Variants in CNTNAP2 observed in about 807,000 individuals in gnomAD.
CNTNAP2 encodes contactin-associated protein-like 2.
In CNTNAP2, 98 loss-of-function variants were observed where a neutral mutation model predicts 155.2. The ratio of observed to expected loss-of-function variants is 0.63; its 90% CI spans 0.54 to 0.75. CNTNAP2 has a LOEUF of 0.75. Ranked by LOEUF, CNTNAP2 falls within the 30% of genes least tolerant of loss-of-function variation. The pLI is 0.00. For synonymous variants in CNTNAP2, 651 were observed against 631.2 expected (o/e 1.03, Z -0.47); for missense variants, 1,727 against 1,688.1 (o/e 1.02, Z -0.40).
chr7:147,647,638 G>T (rs939424474), intron 13 of CNTNAP2, among the ~76,000 whole-genome samples: 1 of 152,022 alleles, frequency 6.6e-6, no homozygotes, highest in Admixed American at 6.6e-5. Context: ...CAAGGTCTTT[G>T]AGGACAGGGG....
chr7:147,971,511 G>A (rs1034677212), intron 14 of CNTNAP2, among the ~76,000 whole-genome samples: 1 of 152,068 alleles, frequency 6.6e-6, no homozygotes, highest in Non-Finnish European at 1.5e-5. Context: ...TTCTGTCCTG[G>A]TAGATTTCCT....
At chr7:148,087,308 C>A (rs772389184) in intron 15 of CNTNAP2, among the ~76,000 whole-genome samples, 1 of 151,982 alleles carries the variant, frequency 6.6e-6, no homozygotes, top group East Asian at 1.9e-4. Context: ...CCCACTATAG[C>A]GACTATATAG....
At chr7:147,502,482 A>G (rs2373100) in intron 11 of CNTNAP2, among the ~76,000 whole-genome samples, 1 of 151,930 alleles carries the variant, frequency 6.6e-6, no homozygotes, top group African/African-American at 2.4e-5. Flanking sequence ...ATAATAGTAA[A>G]TGCAGAAGCT....
chr7:147,263,399 A>T, intron 8 of CNTNAP2, among the ~76,000 whole-genome samples: 1 of 151,850 alleles, frequency 6.6e-6, no homozygotes, highest in East Asian at 1.9e-4. Context: ...GTCACTTCTG[A>T]CTATAGGGAT....
intron 3 of CNTNAP2, among the ~76,000 whole-genome samples, chr7:147,014,256 C>T (rs546622211): frequency 1.7e-4 from 23 of 132,654 alleles, no homozygotes; most frequent in Middle Eastern, 3.6e-3. Context: ...AACCCTGTAT[C>T]GTTTGAATTT....
chr7:146,164,302 A>T (rs1458750078), intron 1 of CNTNAP2, among the ~76,000 whole-genome samples: 1 of 152,212 alleles, frequency 6.6e-6, no homozygotes, highest in Admixed American at 6.5e-5. Flanking sequence ...TTTTCTGCTC[A>T]TGTATCACTC....
chr7:146,156,693 C>T (rs1798131432), intron 1 of CNTNAP2, among the ~76,000 whole-genome samples: 1 of 152,134 alleles, frequency 6.6e-6, no homozygotes. Flanking sequence ...ACCTCTGCCT[C>T]CAGGGTTCAA....
intron 1 of CNTNAP2, among the ~76,000 whole-genome samples, chr7:146,130,592 A>G (rs1350617614): frequency 6.6e-6 from 1 of 152,246 alleles, no homozygotes; most frequent in Non-Finnish European, 1.5e-5. Context: ...TATGTATGTT[A>G]TTGAAACAGC....
At chr7:146,727,032 T>C (rs1036476776) in intron 1 of CNTNAP2, among the ~76,000 whole-genome samples, 3 of 152,192 alleles carry the variant, frequency 2.0e-5, no homozygotes, top group South Asian at 2.1e-4. Context: ...TTTGCTTTTT[T>C]TTCTGCTGAA....
chr7:146,293,650 A>C (rs1422744404), intron 1 of CNTNAP2, among the ~76,000 whole-genome samples: 1 of 152,158 alleles, frequency 6.6e-6, no homozygotes, highest in East Asian at 1.9e-4. Flanking sequence ...AACTTTGTCA[A>C]ACAGAGGTAT....
intron 1 of CNTNAP2, among the ~76,000 whole-genome samples, chr7:146,214,571 G>A (rs924324310): frequency 3.3e-5 from 5 of 152,040 alleles, no homozygotes; most frequent in Non-Finnish European, 5.9e-5. Context: ...TATTCAAATT[G>A]TGAAATAAAA....
At chr7:147,146,379 G>A (rs1486355991) in intron 8 of CNTNAP2, 1 of 152,650 alleles carries the variant, frequency 6.6e-6, no homozygotes, top group Non-Finnish European at 1.5e-5. Flanking sequence ...GGAGGCCATG[G>A]TCCTGACCCA....
At chr7:146,675,729 A>G (rs920551745) in intron 1 of CNTNAP2, among the ~76,000 whole-genome samples, 1 of 152,246 alleles carries the variant, frequency 6.6e-6, no homozygotes, top group African/African-American at 2.4e-5. Flanking sequence ...ACACACTTTC[A>G]CTAGTCATTT....
At chr7:148,170,837 T>C (rs151162263) in intron 17 of CNTNAP2, among the ~76,000 whole-genome samples, 6 of 152,310 alleles carry the variant, frequency 3.9e-5, no homozygotes, top group Non-Finnish European at 7.4e-5. Context: ...CTTAAGATAA[T>C]AGAGTAAGTG....
At chr7:147,162,006 A>G (rs190894200) in intron 8 of CNTNAP2, 76 of 152,304 alleles carry the variant, frequency 5.0e-4, no homozygotes, top group African/African-American at 1.8e-3. Flanking sequence ...CTATGCTATG[A>G]ATGGAATCTT....
At chr7:146,842,401 AT>A (rs1230389032) in intron 3 of CNTNAP2, among the ~76,000 whole-genome samples, 1 of 152,098 alleles carries the variant, frequency 6.6e-6, no homozygotes, top group African/African-American at 2.4e-5. Context: ...AAAAATCAGT[AT>A]GCTACGTGAT....
chr7:147,211,485 G>T (rs1323915251), intron 8 of CNTNAP2, among the ~76,000 whole-genome samples: 1 of 151,976 alleles, frequency 6.6e-6, no homozygotes, highest in Non-Finnish European at 1.5e-5. Context: ...CAATAGAAGA[G>T]AACAGATAAC....
chr7:148,358,681 C>T (rs1389609146), intron 21 of CNTNAP2, among the ~76,000 whole-genome samples: 7 of 152,108 alleles, frequency 4.6e-5, no homozygotes, highest in South Asian at 2.1e-4. Flanking sequence ...TGCTTTCAAG[C>T]GCGTAATCAG....
intron 1 of CNTNAP2, among the ~76,000 whole-genome samples, chr7:146,157,359 C>T (rs1475778117): frequency 6.6e-6 from 1 of 152,196 alleles, no homozygotes; most frequent in Non-Finnish European, 1.5e-5. Flanking sequence ...GTGATTTCTG[C>T]ATTTCCAGCT....
Sources: gnomAD v4.1 joint callset for allele counts (sites outside exome capture counted in the v4.1 genomes callset) on GRCh38, gnomAD v4.1.1 for gene constraint, MANE v1.5 for transcripts, NCBI Gene and HGNC (gene_info 2026-07-23, HGNC 2026-07-21) for gene names.